Variants in TAMM41 observed in about 807,000 individuals in gnomAD.
TAMM41 encodes TAM41 mitochondrial translocator assembly and maintenance homolog.
A neutral mutation model predicts 44.1 loss-of-function variants in TAMM41; 36 were observed. That is an observed-to-expected ratio of 0.82 (90% confidence interval 0.63 to 1.08). TAMM41 has a LOEUF of 1.08. Among genes scored for constraint, TAMM41 ranks in the 50% least tolerant of loss-of-function variants. The probability of loss-of-function intolerance (pLI) is 0.00; values close to 1 mark genes in which losing one functional copy is unlikely to be tolerated. For synonymous variants in TAMM41, 164 were observed against 153.1 expected (o/e 1.07, Z -0.53); for missense variants, 417 against 404.3 (o/e 1.03, Z -0.27).
intron 5 of TAMM41, among the ~76,000 whole-genome samples, chr3:11,810,344 AC>A (rs1188449112): frequency 6.6e-6 from 1 of 152,234 alleles, no homozygotes; most frequent in Admixed American, 6.5e-5. Flanking sequence ...TCTAAAACAT[AC>A]TAAGGTGCTG....
the TAMM41 span, among the ~76,000 whole-genome samples, chr3:11,741,665 A>C: frequency 6.7e-6 from 1 of 150,074 alleles, no homozygotes; most frequent in Non-Finnish European, 1.5e-5. Context: ...ATGGGGAGAA[A>C]ATTTGTTTTT....
At chr3:11,811,095 C>T (rs2078074120) in intron 5 of TAMM41, 1 of 151,788 alleles carries the variant, frequency 6.6e-6, no homozygotes, top group Non-Finnish European at 1.5e-5. Flanking sequence ...AAAGTATATA[C>T]CAAATACCTG....
intron 7 of TAMM41, among the ~76,000 whole-genome samples, chr3:11,800,317 A>G (rs1238540042): frequency 2.6e-5 from 4 of 152,170 alleles, no homozygotes; most frequent in Non-Finnish European, 5.9e-5. Context: ...ACATATCAAT[A>G]TTAACTTTAA....
At chr3:11,801,365 T>C (rs1389866612) in intron 7 of TAMM41, among the ~76,000 whole-genome samples, 29 of 152,134 alleles carry the variant, frequency 1.9e-4, no homozygotes, top group Admixed American at 1.9e-3. Context: ...AGGGTCTTAC[T>C]GTGTCACCCA....
intron 5 of TAMM41, among the ~76,000 whole-genome samples, chr3:11,811,870 C>G (rs146413361): frequency 4.2e-4 from 64 of 152,208 alleles, no homozygotes; most frequent in Non-Finnish European, 7.6e-4. Flanking sequence ...AGCTCTGTGA[C>G]TATACTATAA....
intron 3 of TAMM41, chr3:11,833,150 G>C (rs2079050263): frequency 7.8e-7 from 1 of 1,284,078 alleles, no homozygotes; most frequent in African/African-American, 1.5e-5. Context: ...TGCCAGAGAG[G>C]CCTGGGAAAA....
chr3:11,728,054 T>A, the TAMM41 span, among the ~76,000 whole-genome samples: 1 of 152,062 alleles, frequency 6.6e-6, no homozygotes, highest in African/African-American at 2.4e-5. Flanking sequence ...CCCAAAGCGC[T>A]GGGATTACAG....
At chr3:11,758,326 G>A in the TAMM41 span, among the ~76,000 whole-genome samples, 436 of 151,442 alleles carry the variant, frequency 2.9e-3, 4 homozygotes, top group African/African-American at 0.01. Context: ...AACATGATCC[G>A]ATCTGTGGGG....
chr3:11,794,014 T>C (rs1379134478), intron 7 of TAMM41, among the ~76,000 whole-genome samples: 2 of 152,246 alleles, frequency 1.3e-5, no homozygotes, highest in African/African-American at 4.8e-5. Flanking sequence ...CAAATATTTA[T>C]TGAGCACCTG....
chr3:11,775,257 A>G, the TAMM41 span, among the ~76,000 whole-genome samples: 3 of 152,184 alleles, frequency 2.0e-5, no homozygotes, highest in Admixed American at 2.0e-4. Flanking sequence ...TCCAGCCATA[A>G]GCCAGAATAC....
the TAMM41 span, among the ~76,000 whole-genome samples, chr3:11,746,466 C>T: frequency 6.6e-6 from 1 of 151,988 alleles, no homozygotes; most frequent in Non-Finnish European, 1.5e-5. Flanking sequence ...AGTTAAATGT[C>T]CATCAACAGA....
At chr3:11,766,253 C>A in the TAMM41 span, among the ~76,000 whole-genome samples, 1 of 152,070 alleles carries the variant, frequency 6.6e-6, no homozygotes. Flanking sequence ...CAGCCTCAAC[C>A]TCCCAGGCTC....
chr3:11,731,174 T>C, the TAMM41 span, among the ~76,000 whole-genome samples: 1 of 152,260 alleles, frequency 6.6e-6, no homozygotes, highest in Non-Finnish European at 1.5e-5. Flanking sequence ...CACCGCAATG[T>C]ACAAAATGAT....
At chr3:11,804,400 C>T (rs1253206326) in intron 7 of TAMM41, among the ~76,000 whole-genome samples, 2 of 152,192 alleles carry the variant, frequency 1.3e-5, no homozygotes, top group Admixed American at 1.3e-4. Context: ...ACCCACTGCC[C>T]TCTGCCATGT....
the TAMM41 span, among the ~76,000 whole-genome samples, chr3:11,731,790 G>A: frequency 2.0e-5 from 3 of 151,970 alleles, no homozygotes; most frequent in African/African-American, 4.8e-5. Flanking sequence ...CAGCTTCCAC[G>A]TGTCTCCCCT....
intron 7 of TAMM41, among the ~76,000 whole-genome samples, chr3:11,806,179 G>C (rs1477553008): frequency 6.6e-6 from 1 of 152,176 alleles, no homozygotes; most frequent in Non-Finnish European, 1.5e-5. Context: ...TTTATTAGCA[G>C]CATGAGAACA....
chr3:11,751,025 A>C, the TAMM41 span, among the ~76,000 whole-genome samples: 3 of 151,762 alleles, frequency 2.0e-5, no homozygotes, highest in Non-Finnish European at 2.9e-5. Context: ...TCCAGGGTGC[A>C]CACTCTCATC....
intron 2 of TAMM41, among the ~76,000 whole-genome samples, chr3:11,839,626 T>C (rs985321276): frequency 2.0e-5 from 3 of 152,224 alleles, no homozygotes; most frequent in African/African-American, 7.2e-5. Flanking sequence ...TCCAAGCTCA[T>C]GCCTGGGCGT....
the TAMM41 span, among the ~76,000 whole-genome samples, chr3:11,778,122 C>T: frequency 6.6e-6 from 1 of 152,100 alleles, no homozygotes. Context: ...TTTTTATTGT[C>T]GGTTAACAGT....
Sources: allele counts gnomAD v4.1 joint callset (sites outside exome capture counted in the v4.1 genomes callset), GRCh38; gene constraint gnomAD v4.1.1; transcripts MANE v1.5; gene names NCBI Gene and HGNC (gene_info 2026-07-23, HGNC 2026-07-21).